The following WASHC3 variants were observed in gnomAD, a reference collection of about 807,000 sequenced individuals.
WASHC3 encodes WASH complex subunit 3.
Under a neutral mutation model 26.1 loss-of-function variants are expected in WASHC3, and 24 were observed. The ratio of observed to expected loss-of-function variants is 0.92; its 90% CI spans 0.66 to 1.29. WASHC3 has a LOEUF of 1.29. WASHC3 is among the 50% of genes most tolerant of loss of function. WASHC3 has a pLI of 0.00. For synonymous variants in WASHC3, 77 were observed against 75.7 expected (o/e 1.02, Z -0.09); for missense variants, 214 against 229.6 (o/e 0.93, Z 0.44).
At position 102,050,691 on chromosome 12, in the gene WASHC3, C is replaced by A. The variant is rs139023215; in HGVS notation, c.151-4572G>T. On this transcript the variant is annotated intron_variant, in intron 2 of 6. Coordinates refer to ENST00000240079, the MANE Select transcript of WASHC3 (RefSeq NM_016053.4). Reference sequence around the variant, plus strand: ...AATTATTAAACAAACAAACAAAAAACCAAAGTAACACATTTGGCACTCCTG... The same window carrying A: ...AATTATTAAACAAACAAACAAAAAAACAAAGTAACACATTTGGCACTCCTG... 8.8e-5 allele frequency: 37 copies of A among 418,894 alleles called. No homozygotes were observed. The East Asian group carries it at 2.4e-3, about 27-fold the overall frequency. The allele number at this position is 418,894 out of a possible 1,614,324, so 25.9% of individuals were successfully genotyped here. A position where few individuals can be genotyped will look rare whatever the true frequency, so the allele number is the denominator to read the frequency against.
In WASHC3 at chr12:102,040,841, T is replaced by C. The variant is rs529126963; in HGVS notation, c.325-863A>G. Among the ~76,000 whole-genome samples, 5 of 152,156 alleles carry C rather than the reference T, an allele frequency of 3.3e-5. No individual in the cohort carries two copies. In the East Asian group the frequency reaches 9.6e-4, roughly 29 times the overall value. ...AAAAGCTTACTTTGGTGAATCTCTC[T>C]CATTATCTGTATATAAGCATTAAAA... On this transcript the variant is annotated intron_variant, in intron 4 of 6. Coordinates refer to ENST00000240079, the MANE Select transcript of WASHC3 (RefSeq NM_016053.4).
intron 5 of WASHC3, among the ~76,000 whole-genome samples, chr12:102,036,833 A>C (rs375087972): frequency 2.0e-5 from 3 of 152,312 alleles, no homozygotes; most frequent in African/African-American, 7.2e-5. Context: ...AGTCTGAGGC[A>C]GAAGAAATTG....
intron 6 of WASHC3, among the ~76,000 whole-genome samples, chr12:102,020,537 C>A (rs564298485): frequency 2.0e-5 from 3 of 152,180 alleles, no homozygotes; most frequent in African/African-American, 7.2e-5. Context: ...GACAGAAAAA[C>A]CAAACATTCT....
At chr12:102,040,542 T>C (rs1407589807) in intron 4 of WASHC3, 3 of 152,106 alleles carry the variant, frequency 2.0e-5, no homozygotes, top group Non-Finnish European at 4.4e-5. Flanking sequence ...TCTGGTTTTA[T>C]ACATTTCAGA....
intron 2 of WASHC3, among the ~76,000 whole-genome samples, chr12:102,057,777 A>T (rs571305483): frequency 3.0e-4 from 46 of 152,276 alleles, no homozygotes; most frequent in African/African-American, 1.0e-3. Context: ...AAATAAATGG[A>T]AAGATAACGT....
intron 5 of WASHC3, among the ~76,000 whole-genome samples, chr12:102,026,486 C>T (rs79860144): frequency 3.9e-5 from 6 of 152,026 alleles, no homozygotes. Flanking sequence ...GCAAAGAGTC[C>T]AATTCCATTT....
intron 5 of WASHC3, among the ~76,000 whole-genome samples, chr12:102,031,171 G>A (rs896741894): frequency 1.3e-5 from 2 of 152,168 alleles, no homozygotes; most frequent in African/African-American, 4.8e-5. Context: ...CTTTAGCAGA[G>A]AGTAATTTTT....
chr12:102,023,291 T>C (rs1877031172), intron 6 of WASHC3, among the ~76,000 whole-genome samples: 1 of 152,194 alleles, frequency 6.6e-6, no homozygotes, highest in African/African-American at 2.4e-5. Flanking sequence ...CAGTATTTAT[T>C]TCTATATTAA....
intron 1 of WASHC3, 30 bp downstream of exon 1, chr12:102,061,882 G>A (rs1878826973): frequency 1.9e-6 from 3 of 1,570,064 alleles, no homozygotes; most frequent in Non-Finnish European, 1.7e-6. Context: ...CTCCCGGCTC[G>A]TCGGGAGTCT....
intron 5 of WASHC3, 39 bp from the exon 6 acceptor site, chr12:102,026,077 G>A (rs1372598438): frequency 1.4e-5 from 17 of 1,184,656 alleles, no homozygotes; most frequent in Non-Finnish European, 2.0e-5. Context: ...CATTAAAAAT[G>A]TCTCCTTTAT....
At chr12:102,047,630 T>G (rs1445747030) in intron 2 of WASHC3, among the ~76,000 whole-genome samples, 1 of 152,088 alleles carries the variant, frequency 6.6e-6, no homozygotes, top group Non-Finnish European at 1.5e-5. Context: ...CAGTCTCAAT[T>G]CACTAGAGAA....
chr12:102,058,917 A>T (rs1172629644), intron 2 of WASHC3, among the ~76,000 whole-genome samples: 1 of 152,216 alleles, frequency 6.6e-6, no homozygotes, highest in Non-Finnish European at 1.5e-5. Flanking sequence ...ATGAACTGGA[A>T]GACATTGTGT....
At chr12:102,041,808 C>A (rs985224589) in intron 4 of WASHC3, among the ~76,000 whole-genome samples, 1 of 151,924 alleles carries the variant, frequency 6.6e-6, no homozygotes, top group Non-Finnish European at 1.5e-5. Context: ...ACTTTGGAAG[C>A]CAACAGAACT....
Position 102,033,060 on chromosome 12 carries a change from T to C in WASHC3, c.435+6808A>G, listed in dbSNP as rs1877500317. Among the ~76,000 whole-genome samples, 4 of 152,154 alleles carry C rather than the reference T, an allele frequency of 2.6e-5. No individual in the cohort carries two copies. The South Asian group carries it at 8.3e-4, about 31-fold the overall frequency. Reference sequence around the variant, plus strand: ...ATTAAATAGTTTTCATTATCTAGACTGTAAAATAGATTTACAGGTATGTGG... The same window carrying C: ...ATTAAATAGTTTTCATTATCTAGACCGTAAAATAGATTTACAGGTATGTGG... On this transcript the variant is annotated intron_variant, in intron 5 of 6. Transcript: ENST00000240079.
chr12:102,057,428 A>G (rs1036956164), intron 2 of WASHC3, among the ~76,000 whole-genome samples: 17 of 152,166 alleles, frequency 1.1e-4, no homozygotes, highest in African/African-American at 3.9e-4. Context: ...TAATTAGACA[A>G]GAGGGAAAAA....
Position 102,013,173 on chromosome 12 carries a change from G to T in WASHC3, c.520C>A (p.Pro174Thr). 1 of 1,539,426 alleles carries T rather than the reference G, an allele frequency of 6.5e-7. No homozygotes were observed. The highest frequency in any genetic ancestry group is 8.8e-7 in the Non-Finnish European group (1 of 1,133,352). ...DLLERPDAPVPDGESEKTVEE... is the reference protein window; with the variant it reads ...DLLERPDAPVTDGESEKTVEE... Reference sequence around the variant, plus strand: ...ACAGTTTTCTCACTTTCGCCATCAGGCACTGGAGCATCTGGCCTCCTAAAA... The same window carrying T: ...ACAGTTTTCTCACTTTCGCCATCAGTCACTGGAGCATCTGGCCTCCTAAAA... The change falls in exon 7 of 7, where the codon CCT (proline) becomes ACT (threonine). Residue 174 changes from proline to threonine, a missense_variant. Transcript: ENST00000240079.
At chr12:102,048,454 A>T (rs1878252273) in intron 2 of WASHC3, 1 of 152,148 alleles carries the variant, frequency 6.6e-6, no homozygotes. Context: ...AGTCCCAGCT[A>T]CTCAGGAGGC....
chr12:102,028,686 C>T (rs1171933073), intron 5 of WASHC3, among the ~76,000 whole-genome samples: 3 of 151,490 alleles, frequency 2.0e-5, no homozygotes, highest in Non-Finnish European at 2.9e-5. Context: ...GAATGGGGAA[C>T]AAGGAAGTTG....
rs748169653 is a variant in WASHC3 at position 102,034,063 on chromosome 12, TATG to T, written c.435+5802_435+5804del. 1.2e-4 allele frequency among the ~76,000 whole-genome samples: 19 copies of T among 152,206 alleles called. No homozygotes were observed. In the East Asian group the frequency reaches 2.1e-3, roughly 17 times the overall value. On this transcript the variant is annotated intron_variant, in intron 5 of 6. Transcript: ENST00000240079. The stretch of plus-strand genomic sequence containing the variant: ...GTTGGGAAAGTGAAACACTTTTCAG[TATG>T]ATAAGGTAGTCTGTAATGAAGTCAC...
Sources: gnomAD v4.1 joint callset for allele counts (sites outside exome capture counted in the v4.1 genomes callset) on GRCh38, gnomAD v4.1.1 for gene constraint, MANE v1.5 for transcripts, NCBI Gene and HGNC (gene_info 2026-07-23, HGNC 2026-07-21) for gene names.